The following OTOF variants were observed in gnomAD, a reference collection of about 807,000 sequenced individuals.
OTOF encodes the protein fer-1-like family member 2.
In OTOF, 218 loss-of-function variants were observed where a neutral mutation model predicts 236.8. The observed-to-expected ratio is 0.92, with a 90% CI of 0.82 to 1.03. The LOEUF (loss-of-function observed/expected upper bound fraction) is 1.03. Among genes scored for constraint, OTOF ranks in the 50% least tolerant of loss-of-function variants. The pLI is 0.00. For synonymous variants in OTOF, 1,041 were observed against 1,072.5 expected (o/e 0.97, Z 0.57); for missense variants, 2,590 against 2,694.4 (o/e 0.96, Z 0.86).
At position 26,460,000 on chromosome 2, in the gene OTOF, TATC is replaced by T; in HGVS notation, c.*17+5_*17+7del. The T allele has an allele frequency of 6.4e-7, 1 of 1,556,648 alleles. No individual in the cohort carries two copies. The highest frequency in any genetic ancestry group is 8.7e-7 in the Non-Finnish European group (1 of 1,150,316). On this transcript the variant is annotated splice_donor_5th_base_variant and intron_variant, in intron 46 of 46. Coordinates refer to ENST00000272371, the MANE Select transcript of OTOF (RefSeq NM_194248.3). Reference sequence around the variant, plus strand: ...TTGGTCCAGAGGAAGAAGTAAGAAATATCAGACCCAGGAGGCCACTGGGCTCAG... The same window carrying T: ...TTGGTCCAGAGGAAGAAGTAAGAAATAGACCCAGGAGGCCACTGGGCTCAG...
chr2:26,472,259 G>GCACA (rs897230274), intron 30 of OTOF: 1 of 522,966 alleles, frequency 1.9e-6, no homozygotes, highest in African/African-American at 1.9e-5. Flanking sequence ...TCACATGCAT[G>GCACA]CACACACACA....
In OTOF at chr2:26,470,709, T is replaced by C. The variant is rs1427804724; in HGVS notation, c.3907A>G (p.Lys1303Glu). 1.9e-6 allele frequency: 3 copies of C among 1,613,270 alleles called. No homozygotes were observed. Among genetic ancestry groups the C allele is most frequent in the East Asian group, 4.5e-5 (2 of 44,864 alleles). The change falls in exon 32 of 47, where the codon AAG becomes GAG. Residue 1303 changes from lysine (K) to glutamate (E), a missense_variant. Around this residue, in one of 2 missense-constraint regions of OTOF, gnomAD observed 1,211 missense variants for 1,352.8 expected, o/e 0.90. Coordinates refer to ENST00000272371, the MANE Select transcript of OTOF (RefSeq NM_194248.3). This position sits in a 1 kb window ranked among gnomAD's most constrained non-coding sequence, Gnocchi z 4.3. ...VVKVDVAEEE[K>E]EKKKKKKGTA... ...CCCTTCTTCTTCTTCTTCTTCTCCTTCTCCTCCTCAGCCTGCAGGTTGGCC... is the reference window on the plus strand; with the variant it reads ...CCCTTCTTCTTCTTCTTCTTCTCCTCCTCCTCCTCAGCCTGCAGGTTGGCC...
rs552359028 is a variant in OTOF at position 26,528,020 on chromosome 2, T to C, written c.139-100A>G. 68 of 853,404 alleles carry C rather than the reference T, an allele frequency of 8.0e-5. 1 individual carries two copies. The East Asian group carries it at 1.5e-3, about 18-fold the overall frequency. 52.9% of individuals were successfully genotyped at this position (853,404 alleles called of 1,614,324 possible). ...TTGTGGGGATCTCCAACAGTCAGAG[T>C]GGCCCCTCACTTGGGCCCAGTGCTC... On this transcript the variant is annotated intron_variant, in intron 2 of 46. Coordinates refer to ENST00000272371, the MANE Select transcript of OTOF (RefSeq NM_194248.3).
In OTOF at chr2:26,516,477, A is replaced by C. The variant is rs1264861524; in HGVS notation, c.450T>G (p.Asp150Glu). Residue 150 changes from aspartate (D) to glutamate (E), a missense_variant, in exon 5 of 47, where the codon GAT (aspartate) becomes GAG (glutamate). This residue lies in a region of OTOF where 1,379 missense variants were observed against 1,341.6 expected (regional missense o/e 1.03). Transcript: ENST00000272371. ...TGGGCCGGGAGCCTGGGAGCAGTCC[A>C]TCCGTCTCTTGGCTGTCCTTCTCTT... Reference protein sequence around the residue: ...QEEEKDSQETDGLLPGSRPSS... With the variant: ...QEEEKDSQETEGLLPGSRPSS... 6.2e-7 allele frequency: 1 copy of C among 1,613,774 alleles called. No homozygotes were observed. Among genetic ancestry groups the C allele is most frequent in the Non-Finnish European group, 8.5e-7 (1 of 1,179,992 alleles).
At chr2:26,491,373 GGGAAAAAGGAGGTCACT>G (rs2148068527) in intron 9 of OTOF, among the ~76,000 whole-genome samples, 1 of 152,220 alleles carries the variant, frequency 6.6e-6, no homozygotes, top group South Asian at 2.1e-4. Context: ...GAGGGGTGGA[GGGAAAAAGGAGGTCACT>G]GGAGAAGTGT....
chr2:26,510,690 G>T, intron 5 of OTOF: 1 of 1,287,614 alleles, frequency 7.8e-7, no homozygotes, highest in South Asian at 1.2e-5. Flanking sequence ...GTCTGCCCTC[G>T]CCTGGGACAC....
rs145274755 is a variant in OTOF, at chr2:26,553,309, C to T, written c.79+5184G>A. 3.8e-3 allele frequency among the ~76,000 whole-genome samples: 584 copies of T among 152,248 alleles called. 3 individuals carry two copies. The highest frequency in any genetic ancestry group is 0.012 in the African/African-American group (505 of 41,530). ...CTCCTCCTCTGGCCTCTGGTCTGGTCGGTCCCTCACCCAAAAAGACTTCAC... is the reference window on the plus strand; with the variant it reads ...CTCCTCCTCTGGCCTCTGGTCTGGTTGGTCCCTCACCCAAAAAGACTTCAC... On this transcript the variant is annotated intron_variant, in intron 1 of 46. Transcript: ENST00000272371.
At chr2:26,497,287 G>A (rs565902121) in intron 8 of OTOF, among the ~76,000 whole-genome samples, 2 of 152,114 alleles carry the variant, frequency 1.3e-5, no homozygotes, top group South Asian at 2.1e-4. Context: ...TTTTAGTAGA[G>A]ACGAGGTTTC....
At chr2:26,494,661 G>T (rs1239028501) in intron 9 of OTOF, among the ~76,000 whole-genome samples, 3 of 141,786 alleles carry the variant, frequency 2.1e-5, no homozygotes, top group Non-Finnish European at 3.1e-5. Context: ...TGGGGTGGGG[G>T]GGGGTTCTTT....
At chr2:26,522,299 A>G (rs1054493537) in intron 3 of OTOF, among the ~76,000 whole-genome samples, 2 of 152,108 alleles carry the variant, frequency 1.3e-5, no homozygotes, top group East Asian at 3.9e-4. Context: ...ATAAACCTTG[A>G]CTCTTTCTAC....
In OTOF at chr2:26,476,230, G is replaced by C. The variant is rs754280163; in HGVS notation, c.2764C>G (p.Arg922Gly). The C allele has an allele frequency of 5.6e-6, 9 of 1,608,658 alleles. 1 individual carries two copies. In the South Asian group the frequency reaches 9.9e-5, roughly 18 times the overall value. ...GGCAGGCCGCACAGGAACTCCTTGC[G>C]CTGTTTGCTGAGGCCCAGCCACAGG... ...LYLWLGLSKQ[R>G]KEFLCGLPCG... The change falls in exon 23 of 47, where the codon CGC becomes GGC. Residue 922 changes from arginine to glycine, a missense_variant. Transcript: ENST00000272371.
chr2:26,501,169 G>A (rs1666107846), intron 8 of OTOF, among the ~76,000 whole-genome samples: 1 of 152,098 alleles, frequency 6.6e-6, no homozygotes, highest in South Asian at 2.1e-4. Context: ...CTGCACTGTT[G>A]GCCACATTCA....
intron 36 of OTOF, 115 bp downstream of exon 36, chr2:26,466,599 A>T: frequency 1.4e-5 from 18 of 1,292,474 alleles, no homozygotes; most frequent in Non-Finnish European, 2.0e-5. Flanking sequence ...GGCCTCCCAA[A>T]GTGCTGGGAT....
At chr2:26,523,886 C>T (rs528447387) in intron 3 of OTOF, among the ~76,000 whole-genome samples, 9 of 152,348 alleles carry the variant, frequency 5.9e-5, no homozygotes, top group African/African-American at 2.2e-4. Flanking sequence ...TCTGGCCTGG[C>T]CCAGGCAAAT....
At chr2:26,557,287 C>CT (rs1407287200) in intron 1 of OTOF, among the ~76,000 whole-genome samples, 11 of 152,184 alleles carry the variant, frequency 7.2e-5, no homozygotes, top group African/African-American at 2.7e-4. Flanking sequence ...GGGGGGTCCT[C>CT]TCTGCCCCCT....
intron 4 of OTOF, among the ~76,000 whole-genome samples, chr2:26,517,261 TC>T (rs60929467): frequency 0.87 from 131,574 of 152,008 alleles, 57,537 homozygotes; most frequent in South Asian, 0.94. Flanking sequence ...AGCTCTAGTT[TC>T]CCCCCCAGTG....
At position 26,465,712 on chromosome 2, in the gene OTOF, T is replaced by A; in HGVS notation, c.4759A>T (p.Lys1587Ter). 8.7e-6 allele frequency: 14 copies of A among 1,614,272 alleles called. No homozygotes were observed. The highest frequency in any genetic ancestry group is 1.2e-5 in the Non-Finnish European group (14 of 1,180,052). ...GCGATGCCGCAGGTGGCGCGGTGCTTGCTGTAGAAGCGGTTCTCCAGGTCG... is the reference window on the plus strand; with the variant it reads ...GCGATGCCGCAGGTGGCGCGGTGCTAGCTGTAGAAGCGGTTCTCCAGGTCG... Reference protein sequence around the residue: ...KIDLENRFYSKHRATCGIAQT... With the variant: ...KIDLENRFYS The change falls in exon 38 of 47, where the codon AAG (lysine) becomes TAG (stop). Residue 1587 changes from lysine to a stop codon, truncating the protein, a stop_gained. Coordinates refer to ENST00000272371, the MANE Select transcript of OTOF (RefSeq NM_194248.3). LOFTEE classifies it high-confidence loss of function.
chr2:26,488,300 T>C lies in OTOF; in HGVS notation c.1045+911A>G, dbSNP rs138120453. ...GTTTTGTGAGGGCCCAATGTGACAA[T>C]TGGGTGAAATTATGTTCTCACTGTC... On this transcript the variant is annotated intron_variant, in intron 11 of 46. Coordinates refer to ENST00000272371, the MANE Select transcript of OTOF (RefSeq NM_194248.3). Among the ~76,000 whole-genome samples, 94 of 152,286 alleles carry C rather than the reference T, an allele frequency of 6.2e-4. No individual in the cohort carries two copies. The East Asian group carries it at 0.018, about 28-fold the overall frequency.
intron 41 of OTOF, 24 bp downstream of exon 41, chr2:26,463,459 A>T: frequency 6.4e-7 from 1 of 1,558,992 alleles, no homozygotes; most frequent in Non-Finnish European, 8.7e-7. Context: ...GGAAGGGAGT[A>T]GCGCTGGGCC....
Sources: gnomAD v4.1 joint callset for allele counts (sites outside exome capture counted in the v4.1 genomes callset) on GRCh38, gnomAD v4.1.1 for gene constraint, gnomAD v4.1.1 regional missense constraint, Gnocchi (gnomAD v3.1) non-coding constraint, MANE v1.5 for transcripts, NCBI Gene and HGNC (gene_info 2026-07-23, HGNC 2026-07-21) for gene names.